The following NAT1 variants were observed in gnomAD, a reference collection of about 807,000 sequenced individuals.
NAT1 encodes N-acetyltransferase 1, also known as arylamine N-acetyltransferase 1.
For synonymous variants in NAT1, 144 were observed against 122.6 expected (o/e 1.17, Z -1.16); for missense variants, 400 against 339.2 (o/e 1.18, Z -1.41).
intron 2 of NAT1, among the ~76,000 whole-genome samples, chr8:18,177,631 C>T (rs897473475): frequency 6.6e-6 from 1 of 151,996 alleles, no homozygotes; most frequent in Non-Finnish European, 1.5e-5. Context: ...ATGATAAATG[C>T]AGTGGGAGGA....
chr8:18,195,809 T>C (rs1044491584), intron 2 of NAT1, among the ~76,000 whole-genome samples: 4 of 152,064 alleles, frequency 2.6e-5, no homozygotes, highest in Admixed American at 6.6e-5. Context: ...TTCAAAGTCG[T>C]GTTCAGGAAC....
intron 2 of NAT1, among the ~76,000 whole-genome samples, chr8:18,179,748 C>CT (rs1481104176): frequency 6.6e-6 from 1 of 152,142 alleles, no homozygotes; most frequent in Non-Finnish European, 1.5e-5. Flanking sequence ...AGGGATAGAT[C>CT]TACACATGTG....
In NAT1 at chr8:18,176,845, C is replaced by A. The variant is rs532793196; in HGVS notation, n.92+6106C>A. Among the ~76,000 whole-genome samples the A allele has an allele frequency of 2.0e-5, 3 of 151,960 alleles. No individual in the cohort carries two copies. The South Asian group carries it at 6.2e-4, about 32-fold the overall frequency. ...GTTTAACAATTCTAATTTTTTCAAT[C>A]CATAAACACAGAATATCTTTCCATT... On this transcript the variant is annotated intron_variant and non_coding_transcript_variant, in intron 2 of 4. Coordinates refer to the NAT1 transcript ENST00000517441.
rs1164987197 is a variant in NAT1 at position 18,219,467 on chromosome 8, C to G, written c.-29C>G. The G allele has an allele frequency of 6.5e-7, 1 of 1,549,902 alleles. No homozygotes were observed. Among genetic ancestry groups the G allele is most frequent in the Admixed American group, 2.0e-5 (1 of 50,758 alleles). ...TTCTGGATTAAAACTGAAGATCAAC[C>G]TACTTTCAACTTACTAAGAAAGGTA... On this transcript the variant is annotated 5_prime_UTR_variant, in exon 2 of 3. Coordinates refer to ENST00000307719, the MANE Select transcript of NAT1 (RefSeq NM_000662.8).
At chr8:18,194,734 C>T (rs762690236) in intron 2 of NAT1, among the ~76,000 whole-genome samples, 14 of 151,700 alleles carry the variant, frequency 9.2e-5, no homozygotes, top group Non-Finnish European at 1.5e-4. Flanking sequence ...GCAGGAGAAT[C>T]GCTTGAACCC....
chr8:18,215,097 AT>A (rs1051007263), intron 1 of NAT1, among the ~76,000 whole-genome samples: 1 of 152,176 alleles, frequency 6.6e-6, no homozygotes, highest in Admixed American at 6.5e-5. Flanking sequence ...ACTGATGGGC[AT>A]TTAGGTTGAT....
In NAT1 at chr8:18,200,318, T is replaced by TAA. The variant is rs71217306; in HGVS notation, n.93-9455_93-9454dup. 2.2e-3 allele frequency among the ~76,000 whole-genome samples: 335 copies of TAA among 151,784 alleles called. 2 individuals are homozygous for TAA. Among genetic ancestry groups the TAA allele is most frequent in the African/African-American group, 7.7e-3 (317 of 41,330 alleles). The stretch of plus-strand genomic sequence containing the variant: ...GGTGCCCATCAATGATAGACTGGAT[T>TAA]AAAAAAAAATATACAAAATGGAATA... On this transcript the variant is annotated intron_variant and non_coding_transcript_variant, in intron 2 of 4. Coordinates refer to the NAT1 transcript ENST00000517441.
chr8:18,182,963 T>A (rs1190062859), intron 2 of NAT1, among the ~76,000 whole-genome samples: 1 of 152,228 alleles, frequency 6.6e-6, no homozygotes, highest in African/African-American at 2.4e-5. Context: ...ACTATTTATT[T>A]GAAGTTGTTT....
At chr8:18,186,312 C>T (rs1023910178) in intron 2 of NAT1, among the ~76,000 whole-genome samples, 8 of 152,146 alleles carry the variant, frequency 5.3e-5, no homozygotes, top group African/African-American at 1.7e-4. Flanking sequence ...TTTTATAATT[C>T]CAAATGAATT....
At chr8:18,217,714 G>A (rs1293735042) in intron 1 of NAT1, among the ~76,000 whole-genome samples, 2 of 152,066 alleles carry the variant, frequency 1.3e-5, no homozygotes, top group Admixed American at 1.3e-4. Context: ...CTGATAAAAC[G>A]GCATGTGGGT....
chr8:18,222,102 T>G lies in NAT1; in HGVS notation c.55T>G (p.Leu19Val). 2 of 1,614,092 alleles carry G rather than the reference T, an allele frequency of 1.2e-6. No individual in the cohort carries two copies. Among genetic ancestry groups the G allele is most frequent in the East Asian group, 4.5e-5 (2 of 44,880 alleles). The change falls in exon 3 of 3, where the codon TTG becomes GTG. Residue 19 changes from leucine (L) to valine (V), a missense_variant. Transcript: ENST00000307719. ...TGGCTATAAGAAGTCTAGGAACAAA[T>G]TGGACTTGGAAACATTAACTGACAT... is the stretch of plus-strand genomic sequence containing the variant. Reference protein sequence around the residue: ...RIGYKKSRNKLDLETLTDILQ... With the variant: ...RIGYKKSRNKVDLETLTDILQ...
chr8:18,187,821 A>G lies in NAT1; in HGVS notation n.92+17082A>G, dbSNP rs1802804217. On this transcript the variant is annotated intron_variant and non_coding_transcript_variant, in intron 2 of 4. Transcript: ENST00000517441. ...ACCCGTGTGACATGAGTTTACCTAT[A>G]TAACAAACCTGCGCATATGCCCCGG... 1.3e-5 allele frequency among the ~76,000 whole-genome samples: 2 copies of G among 152,088 alleles called. 1 individual carries two copies. The highest frequency in any genetic ancestry group is 4.1e-4 in the South Asian group (2 of 4,824).
chr8:18,175,284 T>A (rs1169767850), intron 2 of NAT1, among the ~76,000 whole-genome samples: 1 of 152,032 alleles, frequency 6.6e-6, no homozygotes, highest in South Asian at 2.1e-4. Context: ...ATGGTCAAAA[T>A]GCAGTGCAAC....
rs149894625 is a variant in NAT1 at position 18,213,899 on chromosome 8, C to T, written c.-86+3719C>T. On this transcript the variant is annotated intron_variant, in intron 1 of 2. Coordinates refer to ENST00000307719, the MANE Select transcript of NAT1 (RefSeq NM_000662.8). ...CACTATCTCGGCTCACTGCAAGCTC[C>T]GCTTCCTGGGTTCACGCCATTCTCC... 5.3e-3 allele frequency among the ~76,000 whole-genome samples: 800 copies of T among 151,884 alleles called. 7 individuals are homozygous for T. Among genetic ancestry groups the T allele is most frequent in the African/African-American group, 0.018 (748 of 41,404 alleles).
At chr8:18,205,873 C>T (rs867311675), upstream of NAT1, among the ~76,000 whole-genome samples, 10 of 152,136 alleles carry the variant, frequency 6.6e-5, no homozygotes, top group South Asian at 4.1e-4. Context: ...TGGGAGAGGC[C>T]GGCAGACTGA....
At position 18,210,989 on chromosome 8, in the gene NAT1, G is replaced by A. The variant is rs1804044183; in HGVS notation, c.-86+809G>A. Among the ~76,000 whole-genome samples, 3 of 152,134 alleles carry A rather than the reference G, an allele frequency of 2.0e-5. No homozygotes were observed. The East Asian group carries it at 5.8e-4, about 29-fold the overall frequency. On this transcript the variant is annotated intron_variant, in intron 1 of 2. Transcript: ENST00000307719. ...GGGGTTAATTTTTGTATTTTTAGTA[G>A]CGATGGGGTTTCACCGTCTTGGCTA...
intron 1 of NAT1, among the ~76,000 whole-genome samples, chr8:18,216,324 TC>T (rs1804662337): frequency 6.6e-6 from 1 of 152,156 alleles, no homozygotes; most frequent in Non-Finnish European, 1.5e-5. Context: ...AGGTTAAATA[TC>T]CTCTCTCTTT....
At chr8:18,216,416 C>T (rs1475038058) in intron 1 of NAT1, among the ~76,000 whole-genome samples, 1 of 152,188 alleles carries the variant, frequency 6.6e-6, no homozygotes, top group East Asian at 1.9e-4. Flanking sequence ...TCTTTTGCCA[C>T]TTGACAAGCT....
intron 2 of NAT1, among the ~76,000 whole-genome samples, chr8:18,187,448 A>C (rs546930540): frequency 3.6e-4 from 55 of 152,326 alleles, no homozygotes; most frequent in African/African-American, 1.3e-3. Flanking sequence ...GAATTAACCT[A>C]AATGCCCATC....
Sources: gnomAD v4.1 joint callset for allele counts (sites outside exome capture counted in the v4.1 genomes callset) on GRCh38, gnomAD v4.1.1 for gene constraint, MANE v1.5 for transcripts, NCBI Gene and HGNC (gene_info 2026-07-23, HGNC 2026-07-21) for gene names.